Variants in ANO10 observed in about 807,000 individuals in gnomAD.
ANO10 encodes the protein anoctamin-10.
A neutral mutation model predicts 74.7 loss-of-function variants in ANO10; 77 were observed. The ratio of observed to expected loss-of-function variants is 1.03; its 90% CI spans 0.86 to 1.25. ANO10 has a LOEUF of 1.25. Among genes scored for constraint, ANO10 ranks in the 50% most tolerant of loss-of-function variants. The pLI is 0.00. For missense variants in ANO10, 721 were observed against 778.1 expected (o/e 0.93, Z 0.87); for synonymous variants, 279 against 284.9 (o/e 0.98, Z 0.21).
chr3:43,614,434 C>G (rs1223927480), intron 1 of ANO10, among the ~76,000 whole-genome samples: 1 of 151,820 alleles, frequency 6.6e-6, no homozygotes. Flanking sequence ...AAATCAACAA[C>G]AGAAAATAAA....
At chr3:43,428,681 A>T (rs2092934033) in intron 12 of ANO10, among the ~76,000 whole-genome samples, 1 of 151,868 alleles carries the variant, frequency 6.6e-6, no homozygotes, top group Admixed American at 6.6e-5. Context: ...GGGGAAAAAA[A>T]TCTCAAAGAG....
intron 1 of ANO10, among the ~76,000 whole-genome samples, chr3:43,633,889 G>A (rs189384566): frequency 2.1e-4 from 31 of 148,028 alleles, no homozygotes; most frequent in East Asian, 4.0e-4. Context: ...AATTTGCATC[G>A]TAGCTAAAAA....
intron 12 of ANO10, among the ~76,000 whole-genome samples, chr3:43,375,761 T>C (rs934468526): frequency 1.3e-5 from 2 of 151,318 alleles, no homozygotes; most frequent in East Asian, 3.9e-4. Context: ...GACAGTTTAT[T>C]CCCCCCTTGT....
chr3:43,470,885 C>T (rs958272190), intron 11 of ANO10, among the ~76,000 whole-genome samples: 6 of 152,014 alleles, frequency 3.9e-5, no homozygotes, highest in Non-Finnish European at 5.9e-5. Context: ...CCTCTGATTC[C>T]CAAAGTGCTG....
At chr3:43,547,657 A>T (rs1320293150) in intron 11 of ANO10, among the ~76,000 whole-genome samples, 23 of 152,222 alleles carry the variant, frequency 1.5e-4, no homozygotes, top group Non-Finnish European at 5.9e-5. Flanking sequence ...GAATGTGCAG[A>T]TTAAGTGAAT....
chr3:43,517,914 G>A (rs1441668710), intron 11 of ANO10, among the ~76,000 whole-genome samples: 4 of 152,122 alleles, frequency 2.6e-5, no homozygotes, highest in African/African-American at 9.7e-5. Flanking sequence ...ATCTGATTGT[G>A]GGCTGGTAAA....
intron 11 of ANO10, among the ~76,000 whole-genome samples, chr3:43,491,474 A>G: frequency 6.6e-6 from 1 of 152,138 alleles, no homozygotes; most frequent in East Asian, 1.9e-4. Context: ...AGATTGCGCC[A>G]TTGCACTCCA....
intron 12 of ANO10, among the ~76,000 whole-genome samples, chr3:43,401,611 A>G (rs567288890): frequency 1.3e-5 from 2 of 152,242 alleles, no homozygotes; most frequent in Non-Finnish European, 2.9e-5. Flanking sequence ...GAAATATCCC[A>G]AAGTATTTTC....
intron 1 of ANO10, among the ~76,000 whole-genome samples, chr3:43,680,220 C>T (rs1414231557): frequency 2.0e-5 from 3 of 152,080 alleles, no homozygotes; most frequent in Non-Finnish European, 2.9e-5. Context: ...ACTAGAATAA[C>T]CAATGCAGAG....
At chr3:43,549,934 G>T in intron 10 of ANO10, 86 bp from the exon 11 acceptor site, 1 of 1,487,126 alleles carries the variant, frequency 6.7e-7, no homozygotes, top group South Asian at 1.2e-5. Flanking sequence ...AAAAATCAAG[G>T]AAAATGTCTT....
chr3:43,618,516 G>A (rs2083233904), intron 1 of ANO10, among the ~76,000 whole-genome samples: 1 of 152,284 alleles, frequency 6.6e-6, no homozygotes, highest in East Asian at 1.9e-4. Context: ...TAGAGGCTGT[G>A]AGGTGGCCCT....
upstream of ANO10, among the ~76,000 whole-genome samples, chr3:43,623,848 C>G (rs1372771926): frequency 1.3e-5 from 2 of 152,200 alleles, no homozygotes; most frequent in African/African-American, 2.4e-5. Flanking sequence ...CAGAAGTTCT[C>G]TCTTTCTTCT....
intron 7 of ANO10, among the ~76,000 whole-genome samples, chr3:43,566,869 A>T (rs2149366265): frequency 6.6e-6 from 1 of 152,370 alleles, no homozygotes; most frequent in East Asian, 1.9e-4. Context: ...AAGGCTTCAG[A>T]CGATCAAATT....
chr3:43,566,041 G>A (rs1462668407), intron 7 of ANO10, among the ~76,000 whole-genome samples: 2 of 152,188 alleles, frequency 1.3e-5, no homozygotes, highest in Non-Finnish European at 2.9e-5. Context: ...AGGGGTCAGG[G>A]AGTTCCCTTT....
At chr3:43,413,277 T>C (rs2092692293) in intron 12 of ANO10, among the ~76,000 whole-genome samples, 1 of 152,262 alleles carries the variant, frequency 6.6e-6, no homozygotes, top group Non-Finnish European at 1.5e-5. Context: ...GAGCGACTCC[T>C]TGTTTGCCAT....
chr3:43,569,676 G>A (rs1473533642), intron 7 of ANO10, among the ~76,000 whole-genome samples: 1 of 141,256 alleles, frequency 7.1e-6, no homozygotes, highest in Non-Finnish European at 1.5e-5. Context: ...AGGTATTGAT[G>A]GGATGTATTT....
intron 12 of ANO10, among the ~76,000 whole-genome samples, chr3:43,377,353 T>G (rs1259561284): frequency 6.6e-6 from 1 of 152,200 alleles, no homozygotes; most frequent in Non-Finnish European, 1.5e-5. Context: ...TCCAAAGCAC[T>G]GGGATTACAG....
rs560626375 is a variant in ANO10 at position 43,476,036 on chromosome 3, C to T, written c.1798-43309G>A. Among the ~76,000 whole-genome samples the T allele has an allele frequency of 3.3e-5, 5 of 152,214 alleles. No individual in the cohort carries two copies. In the South Asian group the frequency reaches 1.0e-3, roughly 32 times the overall value. On this transcript the variant is annotated intron_variant, in intron 11 of 12. Coordinates refer to ENST00000292246, the MANE Select transcript of ANO10 (RefSeq NM_018075.5). The stretch of plus-strand genomic sequence containing the variant: ...TATTTTCTTCAAAAATGTCCATGGC[C>T]ATTATCTCATATTTATTCTATGTGA...
At chr3:43,483,774 C>T (rs189087059) in intron 11 of ANO10, among the ~76,000 whole-genome samples, 72 of 152,256 alleles carry the variant, frequency 4.7e-4, no homozygotes, top group Middle Eastern at 3.4e-3. Flanking sequence ...GGAAGGTGTA[C>T]ATTGGTTCAT....
Sources: gnomAD v4.1 joint callset for allele counts (sites outside exome capture counted in the v4.1 genomes callset) on GRCh38, gnomAD v4.1.1 for gene constraint, MANE v1.5 for transcripts, NCBI Gene and HGNC (gene_info 2026-07-23, HGNC 2026-07-21) for gene names.